The following STK31 variants were observed in gnomAD, a reference collection of about 807,000 sequenced individuals.
STK31 encodes serine/threonine kinase 31.
In STK31, 89 loss-of-function variants were observed where a neutral mutation model predicts 129.7. The observed-to-expected ratio is 0.69, with a 90% CI of 0.58 to 0.82. STK31 has a LOEUF of 0.82. Among genes scored for constraint, STK31 ranks in the 40% least tolerant of loss-of-function variants. STK31 has a pLI of 0.00. For synonymous variants in STK31, 448 were observed against 395.3 expected, an observed-to-expected ratio of 1.13 and a Z score of -1.58; for missense variants, 1,187 against 1,176.4, an observed-to-expected ratio of 1.01 and a Z score of -0.13.
Position 23,794,109 on chromosome 7 carries a change from G to C in STK31, c.2760+3163G>C, listed in dbSNP as rs183886284. ...GATAGGTGAGTCTTAAAATAATTCTGCCAAGAGAAAGAAGCCAGATGATAA... is the reference window on the plus strand; with the variant it reads ...GATAGGTGAGTCTTAAAATAATTCTCCCAAGAGAAAGAAGCCAGATGATAA... On this transcript the variant is annotated intron_variant, in intron 22 of 23. Coordinates refer to ENST00000355870, the MANE Select transcript of STK31 (RefSeq NM_031414.5). Among the ~76,000 whole-genome samples, 576 of 152,262 alleles carry C rather than the reference G, an allele frequency of 3.8e-3. 4 individuals carry two copies. The highest frequency in any genetic ancestry group is 0.02 in the Middle Eastern group (6 of 294).
chr7:23,789,595 A>C (rs555732089), intron 21 of STK31, among the ~76,000 whole-genome samples: 1 of 152,224 alleles, frequency 6.6e-6, no homozygotes, highest in African/African-American at 2.4e-5. Flanking sequence ...TGCAACTGTA[A>C]TCAAAAGCTG....
chr7:23,782,837 C>T (rs974648981), intron 16 of STK31, among the ~76,000 whole-genome samples: 2 of 152,012 alleles, frequency 1.3e-5, no homozygotes. Context: ...AGTTTTATGC[C>T]TCAAATTGAA....
In STK31 at chr7:23,824,314, A is replaced by G. The variant is rs542940250; in HGVS notation, c.2830-7822A>G. On this transcript the variant is annotated intron_variant, in intron 23 of 23. Coordinates refer to ENST00000355870, the MANE Select transcript of STK31 (RefSeq NM_031414.5). ...AGTTCTCCTTGGAGAGGTCCTTCAC[A>G]TCCCTTGTAAGTTGGATTCTTAGGT... Among the ~76,000 whole-genome samples the G allele has an allele frequency of 1.0e-3, 152 of 152,314 alleles. 1 individual carries two copies. The highest frequency in any genetic ancestry group is 2.1e-4 in the South Asian group (1 of 4,824).
intron 22 of STK31, among the ~76,000 whole-genome samples, chr7:23,803,693 C>T (rs1358812901): frequency 6.6e-6 from 1 of 152,122 alleles, no homozygotes; most frequent in Non-Finnish European, 1.5e-5. Context: ...AGATACTAAG[C>T]CTAGTACCCA....
chr7:23,779,551 A>G lies in STK31; in HGVS notation c.1966-1868A>G, dbSNP rs141164896. Among the ~76,000 whole-genome samples, 267 of 152,296 alleles carry G rather than the reference A, an allele frequency of 1.8e-3. 6 individuals are homozygous for G. In the East Asian group the frequency reaches 0.045, roughly 26 times the overall value. ...AGATGCCCTGCCCAGAAAGGAATCT[A>G]GAGAGGCGGTCTGGCTACAGAGGCT... On this transcript the variant is annotated intron_variant, in intron 15 of 23. Coordinates refer to ENST00000355870, the MANE Select transcript of STK31 (RefSeq NM_031414.5).
chr7:23,739,882 T>C (rs982330205), intron 8 of STK31, among the ~76,000 whole-genome samples: 1 of 152,212 alleles, frequency 6.6e-6, no homozygotes, highest in Non-Finnish European at 1.5e-5. Flanking sequence ...TGTAGCCTTG[T>C]AGTATAGTTT....
Position 23,800,091 on chromosome 7 carries a change from C to T in STK31, c.2760+9145C>T, listed in dbSNP as rs186035273. On this transcript the variant is annotated intron_variant, in intron 22 of 23. Transcript: ENST00000355870. ...TTGAAAAGTCAGGAAACAACAGATG[C>T]TGGAGAGGATGTGGAGAAATAGGAA... Among the ~76,000 whole-genome samples the T allele has an allele frequency of 2.1e-3, 318 of 152,206 alleles. 3 individuals are homozygous for T. Among genetic ancestry groups the T allele is most frequent in the Non-Finnish European group, 1.4e-3 (98 of 68,010 alleles).
At chr7:23,751,388 A>G (rs1788697437) in intron 8 of STK31, among the ~76,000 whole-genome samples, 1 of 152,098 alleles carries the variant, frequency 6.6e-6, no homozygotes, top group African/African-American at 2.4e-5. Flanking sequence ...ATATTTTGTT[A>G]CTGATTTCTA....
At chr7:23,764,819 G>A (rs909652357) in intron 11 of STK31, among the ~76,000 whole-genome samples, 1 of 151,956 alleles carries the variant, frequency 6.6e-6, no homozygotes, top group African/African-American at 2.4e-5. Flanking sequence ...TTAAAAATGT[G>A]TATCCCCCCC....
At chr7:23,723,346 CTA>C (rs553518118) in intron 4 of STK31, among the ~76,000 whole-genome samples, 10 of 152,132 alleles carry the variant, frequency 6.6e-5, no homozygotes, top group Non-Finnish European at 1.0e-4. Flanking sequence ...CTTTCAGAGA[CTA>C]TGTCTATAAA....
At chr7:23,804,552 C>A (rs907138438) in intron 22 of STK31, among the ~76,000 whole-genome samples, 2 of 152,090 alleles carry the variant, frequency 1.3e-5, no homozygotes, top group Admixed American at 1.3e-4. Context: ...TCATTTATGG[C>A]CCCATGTACA....
intron 10 of STK31, among the ~76,000 whole-genome samples, chr7:23,762,189 A>G (rs1476998420): frequency 6.6e-6 from 1 of 151,150 alleles, no homozygotes; most frequent in Non-Finnish European, 1.5e-5. Flanking sequence ...GCACCCATTA[A>G]CTCGTCATTT....
rs78734023 is a variant in STK31 at position 23,796,547 on chromosome 7, A to G, written c.2760+5601A>G. ...ATTTTTAGATTAACTTGTACAATGG[A>G]CTTTTTTTTGTATACATTCTATGAA... On this transcript the variant is annotated intron_variant, in intron 22 of 23. Coordinates refer to ENST00000355870, the MANE Select transcript of STK31 (RefSeq NM_031414.5). Among the ~76,000 whole-genome samples the G allele has an allele frequency of 2.6e-3, 398 of 152,162 alleles. 2 individuals carry two copies. Among genetic ancestry groups the G allele is most frequent in the African/African-American group, 9.0e-3 (372 of 41,510 alleles).
intron 10 of STK31, among the ~76,000 whole-genome samples, chr7:23,754,679 G>T (rs1418210162): frequency 4.6e-5 from 7 of 152,126 alleles, no homozygotes; most frequent in Admixed American, 4.6e-4. Context: ...GCCCTGGTGT[G>T]TATTGTTTCC....
intron 22 of STK31, among the ~76,000 whole-genome samples, chr7:23,797,137 G>A (rs1286045539): frequency 6.6e-6 from 1 of 152,128 alleles, no homozygotes; most frequent in Non-Finnish European, 1.5e-5. Flanking sequence ...GACCTACAAA[G>A]AGACTTAGAC....
intron 22 of STK31, among the ~76,000 whole-genome samples, chr7:23,794,044 T>G (rs975063725): frequency 1.3e-5 from 2 of 152,200 alleles, no homozygotes; most frequent in African/African-American, 4.8e-5. Flanking sequence ...GGAATACTAC[T>G]CAGGAATAAA....
intron 8 of STK31, among the ~76,000 whole-genome samples, chr7:23,750,232 C>A (rs571338718): frequency 1.3e-5 from 2 of 152,164 alleles, no homozygotes; most frequent in South Asian, 4.2e-4. Context: ...CAGTCGTGCC[C>A]ACACCTAGTT....
intron 22 of STK31, among the ~76,000 whole-genome samples, chr7:23,803,858 C>T (rs1792529810): frequency 6.6e-6 from 1 of 152,078 alleles, no homozygotes; most frequent in Non-Finnish European, 1.5e-5. Context: ...AATACATGGA[C>T]TATAGTTTTA....
intron 3 of STK31, among the ~76,000 whole-genome samples, chr7:23,715,958 A>C (rs1584315541): frequency 6.6e-6 from 1 of 152,204 alleles, no homozygotes; most frequent in African/African-American, 2.4e-5. Context: ...CTCTTCACCC[A>C]GCTTCCTTTA....
Sources: allele counts gnomAD v4.1 joint callset (sites outside exome capture counted in the v4.1 genomes callset), GRCh38; gene constraint gnomAD v4.1.1; transcripts MANE v1.5; gene names NCBI Gene and HGNC (gene_info 2026-07-23, HGNC 2026-07-21).